Variants in PLCXD2 observed in about 807,000 individuals in gnomAD.
PLCXD2 encodes the protein phosphatidylinositol specific phospholipase C X domain containing 2.
A neutral mutation model predicts 28.6 loss-of-function variants in PLCXD2; 21 were observed. The observed-to-expected ratio is 0.73, with a 90% CI of 0.52 to 1.06. The LOEUF (loss-of-function observed/expected upper bound fraction) is 1.06. Among genes scored for constraint, PLCXD2 ranks in the 50% least tolerant of loss-of-function variants. The pLI, the probability that PLCXD2 is intolerant of heterozygous loss-of-function variation, is 0.00. For synonymous variants in PLCXD2, 140 were observed against 150.1 expected, an observed-to-expected ratio of 0.93 and a Z score of 0.49; for missense variants, 369 against 376.7, an observed-to-expected ratio of 0.98 and a Z score of 0.17.
intron 1 of PLCXD2, among the ~76,000 whole-genome samples, chr3:111,699,737 A>G (rs1239238942): frequency 6.6e-6 from 1 of 152,178 alleles, no homozygotes; most frequent in African/African-American, 2.4e-5. Context: ...GCACATCCCA[A>G]GGATCCTAGT....
At position 111,708,201 on chromosome 3, in the gene PLCXD2, G is replaced by T. The variant is rs144525978; in HGVS notation, c.439G>T (p.Asp147Tyr). Residue 147 changes from aspartate (D) to tyrosine (Y), a missense_variant, in exon 2 of 5, where the codon GAC (aspartate) becomes TAC (tyrosine). Physicochemically the swap from Asp to Tyr is radical, Grantham distance 160. Coordinates refer to ENST00000477665, the MANE Select transcript of PLCXD2 (RefSeq NM_001185106.1). ...GGTCTGGGATGGGCTGATGGAAATT[G>T]ACTCGTTTCTTACACAGCACCCCCA... is the stretch of plus-strand genomic sequence containing the variant. 3 of 1,614,058 alleles carry T rather than the reference G, an allele frequency of 1.9e-6. No individual in the cohort carries two copies. In the African/African-American group the frequency reaches 4.0e-5, roughly 22 times the overall value.
intron 1 of PLCXD2, among the ~76,000 whole-genome samples, chr3:111,684,058 G>A (rs1357675984): frequency 2.6e-5 from 4 of 152,112 alleles, no homozygotes; most frequent in African/African-American, 9.7e-5. Context: ...TAGGCCAGGC[G>A]TGGTGGCTCA....
chr3:111,682,305 CTAAG>C (rs1268894018), intron 1 of PLCXD2, among the ~76,000 whole-genome samples: 1 of 152,162 alleles, frequency 6.6e-6, no homozygotes, highest in Admixed American at 6.5e-5. Context: ...CTGCATTGCT[CTAAG>C]GGGCATGCCT....
Position 111,675,197 on chromosome 3 carries a change from CTGAG to C in PLCXD2, c.-42_-39del, listed in dbSNP as rs1386601585. 5 of 1,584,558 alleles carry C rather than the reference CTGAG, an allele frequency of 3.2e-6. No individual in the cohort carries two copies. In the African/African-American group the frequency reaches 6.7e-5, roughly 21 times the overall value. On this transcript the variant is annotated 5_prime_UTR_variant, in exon 1 of 5. The change abolishes the stop of an existing upstream ORF in the 5' untranslated region. Coordinates refer to ENST00000477665, the MANE Select transcript of PLCXD2 (RefSeq NM_001185106.1). ...CACAGAGCCCAAGAAGTGATGATCA[CTGAG>C]TGAGTGGCACTGGGCTGAGACTGGC...
At chr3:111,676,221 G>C (rs1940620208) in intron 1 of PLCXD2, among the ~76,000 whole-genome samples, 1 of 152,192 alleles carries the variant, frequency 6.6e-6, no homozygotes, top group South Asian at 2.1e-4. Context: ...TGCTGAGCAA[G>C]TCCTACAAAT....
chr3:111,726,007 T>C (rs1370576081), intron 3 of PLCXD2: 1 of 396,784 alleles, frequency 2.5e-6, no homozygotes, highest in African/African-American at 2.1e-5. Context: ...CTTCTTACTC[T>C]TTTCAAATGC....
chr3:111,678,283 T>C (rs1430671205), intron 1 of PLCXD2, among the ~76,000 whole-genome samples: 2 of 152,242 alleles, frequency 1.3e-5, no homozygotes, highest in Non-Finnish European at 2.9e-5. Context: ...TTAAAATATC[T>C]TGGAGAAGAA....
At chr3:111,726,302 A>G (rs1287387947) in intron 3 of PLCXD2, 1 of 155,890 alleles carries the variant, frequency 6.4e-6, no homozygotes, top group African/African-American at 2.4e-5. Context: ...TGCTGCTATT[A>G]TACTTAGTAA....
At chr3:111,722,021 C>A (rs1295942271) in intron 3 of PLCXD2, 4 of 152,136 alleles carry the variant, frequency 2.6e-5, no homozygotes. Flanking sequence ...GTGAGAAATA[C>A]CTAGTGTTGG....
chr3:111,694,678 TCAGGAAGATGTTCCA>T (rs1940936418), intron 1 of PLCXD2, among the ~76,000 whole-genome samples: 1 of 152,096 alleles, frequency 6.6e-6, no homozygotes, highest in African/African-American at 2.4e-5. Context: ...CTGTTGTGAG[TCAGGAAGATGTTCCA>T]CAGGGAAGTG....
At position 111,714,066 on chromosome 3, in the gene PLCXD2, C is replaced by A; in HGVS notation, c.804C>A (p.Thr268=). 1 of 1,614,166 alleles carries A rather than the reference C, an allele frequency of 6.2e-7. No homozygotes were observed. Among genetic ancestry groups the A allele is most frequent in the Non-Finnish European group, 8.5e-7 (1 of 1,180,032 alleles). ...TCCATGTCTCCCAAGCGATCCTCAC[C>A]CCCAGAGTGAAGACCATTGCCCGGG... Residue 268 remains threonine, a synonymous_variant, in exon 3 of 5, where the codon ACC becomes ACA. Transcript: ENST00000477665.
chr3:111,691,472 T>A (rs1940875583), intron 1 of PLCXD2: 1 of 152,232 alleles, frequency 6.6e-6, no homozygotes, highest in Non-Finnish European at 1.5e-5. Context: ...AGACTGTTTC[T>A]TCAACTGAGA....
intron 1 of PLCXD2, among the ~76,000 whole-genome samples, chr3:111,690,860 A>G (rs1940867529): frequency 6.6e-6 from 1 of 152,216 alleles, no homozygotes; most frequent in Non-Finnish European, 1.5e-5. Context: ...AATTCCAGCC[A>G]AACTAGGTAA....
chr3:111,713,924 A>T lies in PLCXD2; in HGVS notation c.662A>T (p.Tyr221Phe). Reference sequence around the variant, plus strand: ...TACCACTGTCCCTTCTACAAGCAGTACCCCTTCCTGTGGCCAGGAAAGAAG... The same window carrying T: ...TACCACTGTCCCTTCTACAAGCAGTTCCCCTTCCTGTGGCCAGGAAAGAAG... The change falls in exon 3 of 5, where the codon TAC becomes TTC. Residue 221 changes from tyrosine (Y) to phenylalanine (F), a missense_variant. Transcript: ENST00000477665. 6.2e-7 allele frequency: 1 copy of T among 1,614,002 alleles called. No homozygotes were observed. The highest frequency in any genetic ancestry group is 8.5e-7 in the Non-Finnish European group (1 of 1,179,864).
chr3:111,692,607 C>A (rs181597571), intron 1 of PLCXD2: 21 of 152,250 alleles, frequency 1.4e-4, no homozygotes, highest in Admixed American at 1.0e-3. Flanking sequence ...AAACCAGATT[C>A]TATTTATGTC....
At chr3:111,694,077 A>C (rs1343636584) in intron 1 of PLCXD2, among the ~76,000 whole-genome samples, 3 of 152,168 alleles carry the variant, frequency 2.0e-5, no homozygotes, top group African/African-American at 4.8e-5. Flanking sequence ...CAGCTTTGAA[A>C]ATTTTCTATT....
chr3:111,719,648 A>C lies in PLCXD2; in HGVS notation c.866+5520A>C, dbSNP rs1941319365. On this transcript the variant is annotated intron_variant, in intron 3 of 4. Transcript: ENST00000477665. ...AAGTGAAAGAAAACTCACGTGAAAT[A>C]ATACATTTTTCATGGCTTATATGAA... 3.3e-5 allele frequency among the ~76,000 whole-genome samples: 5 copies of C among 152,226 alleles called. No homozygotes were observed. In the South Asian group the frequency reaches 8.3e-4, roughly 25 times the overall value.
chr3:111,697,563 A>G (rs1426014460), intron 1 of PLCXD2, among the ~76,000 whole-genome samples: 5 of 152,322 alleles, frequency 3.3e-5, no homozygotes, highest in African/African-American at 1.2e-4. Flanking sequence ...GGATGATTAC[A>G]TTGGTGTTTG....
intron 1 of PLCXD2, among the ~76,000 whole-genome samples, chr3:111,705,770 A>G (rs1395773028): frequency 6.6e-6 from 1 of 151,728 alleles, no homozygotes; most frequent in Non-Finnish European, 1.5e-5. Context: ...GACATGGAGC[A>G]TTGCTTCCTA....
Sources: gnomAD v4.1 joint callset for allele counts (sites outside exome capture counted in the v4.1 genomes callset) on GRCh38, gnomAD v4.1.1 for gene constraint, MANE v1.5 for transcripts, NCBI Gene and HGNC (gene_info 2026-07-23, HGNC 2026-07-21) for gene names.